Variants in RAB38 observed in about 807,000 individuals in gnomAD.
The protein encoded by RAB38 is RAB38, member RAS oncogene family.
RAB38 carries 15 observed loss-of-function variants against 18.4 expected under a neutral mutation model. The ratio of observed to expected loss-of-function variants is 0.82; its 90% CI spans 0.55 to 1.26. RAB38 has a LOEUF of 1.26. Among genes scored for constraint, RAB38 ranks in the 50% most tolerant of loss-of-function variants. The probability of loss-of-function intolerance (pLI) is 0.00; values close to 1 mark genes in which losing one functional copy is unlikely to be tolerated. For missense variants in RAB38, 294 were observed against 267.4 expected (o/e 1.10, Z -0.69); for synonymous variants, 101 against 104.4 (o/e 0.97, Z 0.20).
chr11:87,969,123 G>A, the RAB38 span, among the ~76,000 whole-genome samples: 1 of 151,924 alleles, frequency 6.6e-6, no homozygotes, highest in Admixed American at 6.6e-5. Context: ...TGAGTCTTGG[G>A]GGACAAGGAA....
At chr11:87,909,992 T>C in the RAB38 span, among the ~76,000 whole-genome samples, 1 of 152,096 alleles carries the variant, frequency 6.6e-6, no homozygotes, top group African/African-American at 2.4e-5. Context: ...AAAGTGTTTT[T>C]CAGCGTGGTT....
the RAB38 span, among the ~76,000 whole-genome samples, chr11:87,812,155 T>G: frequency 1.3e-5 from 2 of 152,206 alleles, no homozygotes; most frequent in Non-Finnish European, 2.9e-5. Context: ...TTTACCACCA[T>G]TGACCTTGGG....
At chr11:87,836,101 G>T in the RAB38 span, among the ~76,000 whole-genome samples, 2 of 152,094 alleles carry the variant, frequency 1.3e-5, no homozygotes, top group African/African-American at 4.8e-5. Context: ...CCCTATGTAA[G>T]GAATGCTAAT....
At chr11:87,971,933 T>C in the RAB38 span, among the ~76,000 whole-genome samples, 1 of 151,738 alleles carries the variant, frequency 6.6e-6, no homozygotes, top group South Asian at 2.1e-4. Context: ...TTTTTTTTTT[T>C]TTAAAGCTAT....
chr11:87,893,721 T>A, the RAB38 span, among the ~76,000 whole-genome samples: 1 of 151,586 alleles, frequency 6.6e-6, no homozygotes, highest in Non-Finnish European at 1.5e-5. Context: ...AACTTCCTAC[T>A]TATTTTCTCT....
At chr11:88,158,903 G>C (rs985556357) in intron 1 of RAB38, among the ~76,000 whole-genome samples, 47 of 152,000 alleles carry the variant, frequency 3.1e-4, no homozygotes, top group African/African-American at 1.0e-3. Flanking sequence ...ACACATTACT[G>C]GAAGTGCTAG....
At chr11:87,938,154 T>TAACA in the RAB38 span, among the ~76,000 whole-genome samples, 1 of 152,150 alleles carries the variant, frequency 6.6e-6, no homozygotes, top group East Asian at 1.9e-4. Flanking sequence ...TTGGCCTCTT[T>TAACA]AACACCTGAG....
chr11:87,937,737 A>C, the RAB38 span, among the ~76,000 whole-genome samples: 1 of 151,942 alleles, frequency 6.6e-6, no homozygotes, highest in Admixed American at 6.6e-5. Flanking sequence ...TACTTATTTT[A>C]GGTTTAGATG....
chr11:88,061,626 A>C, the RAB38 span: 1 of 152,240 alleles, frequency 6.6e-6, no homozygotes, highest in Admixed American at 6.5e-5. Context: ...TTTTTTTAAT[A>C]ACCTTTATTG....
At chr11:87,809,794 C>A in the RAB38 span, among the ~76,000 whole-genome samples, 1 of 152,024 alleles carries the variant, frequency 6.6e-6, no homozygotes, top group South Asian at 2.1e-4. Context: ...AATTTGGAGG[C>A]CATTAAATCC....
At chr11:88,032,882 T>C in the RAB38 span, among the ~76,000 whole-genome samples, 284 of 152,346 alleles carry the variant, frequency 1.9e-3, 1 homozygote, top group African/African-American at 6.3e-3. Context: ...ACTGGGTATA[T>C]ACCCAAAGGA....
the RAB38 span, among the ~76,000 whole-genome samples, chr11:87,873,815 T>C: frequency 6.6e-6 from 1 of 150,562 alleles, no homozygotes; most frequent in Admixed American, 6.7e-5. Flanking sequence ...TGGTTTAAAA[T>C]TGAATATGTT....
the RAB38 span, among the ~76,000 whole-genome samples, chr11:87,835,811 T>C: frequency 5.3e-5 from 8 of 152,172 alleles, no homozygotes; most frequent in Admixed American, 1.3e-4. Context: ...GAAAATAAAT[T>C]TCTGCTGTTT....
chr11:87,826,077 A>G, the RAB38 span, among the ~76,000 whole-genome samples: 1 of 152,116 alleles, frequency 6.6e-6, no homozygotes, highest in African/African-American at 2.4e-5. Context: ...TAGTAGAAAG[A>G]CAATAGATGT....
At chr11:87,949,301 T>C in the RAB38 span, among the ~76,000 whole-genome samples, 3 of 152,220 alleles carry the variant, frequency 2.0e-5, no homozygotes, top group Non-Finnish European at 4.4e-5. Context: ...TTAGTTTTGC[T>C]AGCAGTCTAT....
chr11:87,836,887 C>A, the RAB38 span, among the ~76,000 whole-genome samples: 1 of 152,152 alleles, frequency 6.6e-6, no homozygotes, highest in Non-Finnish European at 1.5e-5. Context: ...GAAGTTGTCA[C>A]CCACTCTTTC....
chr11:87,902,647 A>G, the RAB38 span, among the ~76,000 whole-genome samples: 1 of 151,456 alleles, frequency 6.6e-6, no homozygotes, highest in Non-Finnish European at 1.5e-5. Flanking sequence ...CTAAATTATG[A>G]ATGCAGCGTA....
the RAB38 span, among the ~76,000 whole-genome samples, chr11:87,916,363 T>G: frequency 6.6e-6 from 1 of 152,244 alleles, no homozygotes; most frequent in East Asian, 1.9e-4. Flanking sequence ...CATAAATGTC[T>G]GGGTACAGTT....
chr11:87,935,985 T>A, the RAB38 span, among the ~76,000 whole-genome samples: 1 of 152,158 alleles, frequency 6.6e-6, no homozygotes, highest in South Asian at 2.1e-4. Context: ...GCCCATGTTC[T>A]AATTGAATTG....
Sources: allele counts gnomAD v4.1 joint callset (sites outside exome capture counted in the v4.1 genomes callset), GRCh38; gene constraint gnomAD v4.1.1; transcripts MANE v1.5; gene names NCBI Gene and HGNC (gene_info 2026-07-23, HGNC 2026-07-21).